Variants in CNTN4 observed in about 807,000 individuals in gnomAD.
CNTN4 encodes contactin 4.
Under a neutral mutation model 122.5 loss-of-function variants are expected in CNTN4, and 77 were observed. That is an observed-to-expected ratio of 0.63 (90% confidence interval 0.52 to 0.76). CNTN4 has a LOEUF of 0.76. Among genes scored for constraint, CNTN4 ranks in the 30% least tolerant of loss-of-function variants. The pLI, the probability that CNTN4 is intolerant of heterozygous loss-of-function variation, is 0.00. For missense variants in CNTN4, 1,256 were observed against 1,259.1 expected, an observed-to-expected ratio of 1.00 and a Z score of 0.04; for synonymous variants, 512 against 447.0, an observed-to-expected ratio of 1.15 and a Z score of -1.83.
At chr3:2,597,903 GA>G (rs745999514) in intron 4 of CNTN4, among the ~76,000 whole-genome samples, 8 of 152,304 alleles carry the variant, frequency 5.3e-5, no homozygotes. Context: ...GTAGGAGGAA[GA>G]AAGTACTGTA....
chr3:2,192,237 GTATACCCAT>G (rs929585888), intron 2 of CNTN4, among the ~76,000 whole-genome samples: 1 of 152,098 alleles, frequency 6.6e-6, no homozygotes, highest in African/African-American at 2.4e-5. Flanking sequence ...TCCTTTGGGT[GTATACCCAT>G]TAATGGGATG....
At chr3:2,678,297 C>A (rs551737568) in intron 4 of CNTN4, among the ~76,000 whole-genome samples, 1 of 151,870 alleles carries the variant, frequency 6.6e-6, no homozygotes, top group Non-Finnish European at 1.5e-5. Context: ...CTTTTTCAGC[C>A]CTGTCGTAAA....
Position 2,335,853 on chromosome 3 carries a change from G to T in CNTN4, c.-144-3325G>T, listed in dbSNP as rs146360340. 8.3e-3 allele frequency among the ~76,000 whole-genome samples: 1,266 copies of T among 152,212 alleles called. 20 individuals are homozygous for T. Among genetic ancestry groups the T allele is most frequent in the African/African-American group, 0.029 (1,207 of 41,534 alleles). On this transcript the variant is annotated intron_variant, in intron 2 of 24. Transcript: ENST00000418658. ...AGTTATGAAAATCCACTGTGGAAGT[G>T]GAACTTATTTTGGCGTAACCCTTAG...
chr3:2,197,921 A>G (rs2037921125), intron 2 of CNTN4, among the ~76,000 whole-genome samples: 1 of 151,950 alleles, frequency 6.6e-6, no homozygotes, highest in African/African-American at 2.4e-5. Flanking sequence ...AGGCTGAGGC[A>G]GGAGAATCGC....
Position 2,945,952 on chromosome 3 carries a change from A to G in CNTN4, c.1358+20173A>G, listed in dbSNP as rs116122897. Among the ~76,000 whole-genome samples the G allele has an allele frequency of 4.0e-3, 616 of 152,360 alleles. 4 individuals are homozygous for G. The highest frequency in any genetic ancestry group is 0.014 in the African/African-American group (585 of 41,594). ...AGATTTTAATGTGGAAATGTTCTGT[A>G]CAACTTATAGATGCATGTCATATTA... On this transcript the variant is annotated intron_variant, in intron 13 of 24. Transcript: ENST00000418658.
intron 2 of CNTN4, among the ~76,000 whole-genome samples, chr3:2,194,251 C>T (rs1288933428): frequency 1.3e-5 from 2 of 151,916 alleles, no homozygotes; most frequent in African/African-American, 4.8e-5. Flanking sequence ...ATCACTTGAG[C>T]CCAGGAGTTT....
At chr3:2,905,516 C>T (rs1306375329) in intron 12 of CNTN4, among the ~76,000 whole-genome samples, 2 of 152,160 alleles carry the variant, frequency 1.3e-5, no homozygotes, top group East Asian at 1.9e-4. Flanking sequence ...AGGGCTTCAC[C>T]TCATAGGGGC....
At chr3:2,902,617 G>A (rs960312705) in intron 11 of CNTN4, among the ~76,000 whole-genome samples, 4 of 152,108 alleles carry the variant, frequency 2.6e-5, no homozygotes, top group Non-Finnish European at 5.9e-5. Context: ...AATCTGAATG[G>A]CTCCACTATT....
intron 3 of CNTN4, among the ~76,000 whole-genome samples, chr3:2,340,706 T>G (rs184985226): frequency 0.13 from 2,925 of 23,168 alleles, 126 homozygotes; most frequent in East Asian, 0.32. Flanking sequence ...TATATATATA[T>G]ATATAGAGAG....
intron 2 of CNTN4, among the ~76,000 whole-genome samples, chr3:2,239,566 C>G (rs1482727343): frequency 6.6e-6 from 1 of 152,186 alleles, no homozygotes; most frequent in Non-Finnish European, 1.5e-5. Flanking sequence ...TTTCCCTAAG[C>G]TCAGTTCCTT....
At chr3:2,577,700 C>T (rs946598334) in intron 4 of CNTN4, among the ~76,000 whole-genome samples, 9 of 152,138 alleles carry the variant, frequency 5.9e-5, no homozygotes, top group Non-Finnish European at 1.0e-4. Context: ...TATGCTTTAC[C>T]ATGTGCTATT....
At chr3:2,120,406 T>TATAAATATATATATA (rs1491534107) in intron 2 of CNTN4, among the ~76,000 whole-genome samples, 1 of 24,576 alleles carries the variant, frequency 4.1e-5, no homozygotes, top group African/African-American at 1.3e-4. Flanking sequence ...TATATATATA[T>TATAAATATATATATA]TTTTTTTTTT....
chr3:2,591,589 C>T (rs2080491349), intron 4 of CNTN4, among the ~76,000 whole-genome samples: 1 of 52,240 alleles, frequency 1.9e-5, no homozygotes, highest in East Asian at 3.6e-4. Context: ...TGGTCTCGAT[C>T]TCCTGACCTC....
chr3:2,916,803 AGACGGGGCCGCCGGGTGGAGACG>A (rs1559661157), intron 12 of CNTN4, among the ~76,000 whole-genome samples: 1 of 150,150 alleles, frequency 6.7e-6, no homozygotes, highest in Non-Finnish European at 1.5e-5. Context: ...CCCACCTCCC[AGACGGGGCCGCCGGGTGGAGACG>A]CTCCTCAGTT....
intron 3 of CNTN4, among the ~76,000 whole-genome samples, chr3:2,549,427 CGA>C (rs1457906269): frequency 6.6e-6 from 1 of 151,996 alleles, no homozygotes; most frequent in East Asian, 1.9e-4. Flanking sequence ...TGAATTTTAT[CGA>C]GAACTTTTCT....
chr3:2,742,710 C>G (rs766823649), intron 5 of CNTN4, among the ~76,000 whole-genome samples: 37 of 152,172 alleles, frequency 2.4e-4, no homozygotes, highest in Admixed American at 2.0e-4. Context: ...ATGAGACTCA[C>G]AAATTTCTCT....
At chr3:2,773,537 G>C (rs976147320) in intron 6 of CNTN4, among the ~76,000 whole-genome samples, 2 of 152,128 alleles carry the variant, frequency 1.3e-5, no homozygotes, top group African/African-American at 4.8e-5. Context: ...CCTCAGAAAA[G>C]TAATGCATGT....
At chr3:2,897,397 A>G (rs112260157) in intron 10 of CNTN4, among the ~76,000 whole-genome samples, 5 of 151,970 alleles carry the variant, frequency 3.3e-5, no homozygotes, top group African/African-American at 9.6e-5. Context: ...TAATATGTGA[A>G]TGTGTTTAAT....
chr3:2,489,196 G>C (rs1452729188), intron 3 of CNTN4, among the ~76,000 whole-genome samples: 1 of 152,032 alleles, frequency 6.6e-6, no homozygotes, highest in Admixed American at 6.6e-5. Context: ...TAAGAAACTT[G>C]TTGAAAATTA....
Sources: allele counts gnomAD v4.1 joint callset (sites outside exome capture counted in the v4.1 genomes callset), GRCh38; gene constraint gnomAD v4.1.1; transcripts MANE v1.5; gene names NCBI Gene and HGNC (gene_info 2026-07-23, HGNC 2026-07-21).